Variants in SLC36A1 observed in about 807,000 individuals in gnomAD.
SLC36A1 encodes the protein proton-coupled amino acid transporter 1.
Under a neutral mutation model 47.5 loss-of-function variants are expected in SLC36A1, and 30 were observed. The ratio of observed to expected loss-of-function variants is 0.63; its 90% CI spans 0.47 to 0.86. The LOEUF is 0.86. Among genes scored for constraint, SLC36A1 ranks in the 40% least tolerant of loss-of-function variants. The pLI is 0.00. For synonymous variants in SLC36A1, 255 were observed against 249.7 expected (o/e 1.02, Z -0.20); for missense variants, 517 against 606.0 (o/e 0.85, Z 1.54).
the SLC36A1 span, chr5:151,512,660 T>A: frequency 6.9e-7 from 1 of 1,454,546 alleles, no homozygotes; most frequent in South Asian, 1.3e-5. The surrounding 1 kb of genome is among the most constrained non-coding windows in gnomAD (Gnocchi z 4.1). Flanking sequence ...CTTGTAAACC[T>A]GCTAAGAGGC....
chr5:151,446,725 G>C (rs528999658), upstream of SLC36A1, among the ~76,000 whole-genome samples: 283 of 152,238 alleles, frequency 1.9e-3, 1 homozygote, highest in African/African-American at 6.7e-3. Flanking sequence ...GTGTGTTAGA[G>C]AAAAAATGTG....
chr5:151,512,251 G>T, the SLC36A1 span: 5 of 1,614,214 alleles, frequency 3.1e-6, no homozygotes, highest in Admixed American at 6.7e-5. This position sits in a 1 kb window ranked among gnomAD's most constrained non-coding sequence, Gnocchi z 4.1. Context: ...CTGGGTGAGG[G>T]CTTGTGTCTC....
chr5:151,436,771 C>T (rs976599047), upstream of SLC36A1, among the ~76,000 whole-genome samples: 3 of 152,042 alleles, frequency 2.0e-5, no homozygotes, highest in Non-Finnish European at 4.4e-5. Context: ...AGAAAGGTAG[C>T]TGAAGCTGGG....
the SLC36A1 span, among the ~76,000 whole-genome samples, chr5:151,376,939 A>T: frequency 1.4e-4 from 21 of 152,234 alleles, no homozygotes; most frequent in East Asian, 4.1e-3. Context: ...GGCCAAAAAA[A>T]TTTTAAATTT....
the SLC36A1 span, chr5:151,537,693 G>T: frequency 1.7e-6 from 2 of 1,206,074 alleles, no homozygotes; most frequent in Non-Finnish European, 2.3e-6. Flanking sequence ...TGATAGATGA[G>T]TGAATTCCTG....
In SLC36A1 at chr5:151,467,722, A is replaced by G; in HGVS notation, c.520A>G (p.Asn174Asp). Reference protein sequence around the residue: ...DNFKQVIEAANGTTNNCHNNE... With the variant: ...DNFKQVIEAADGTTNNCHNNE... ...CTCATTCTAGGTGATAGAAGCGGCCAATGGGACCACCAATAACTGCCACAA... is the reference window on the plus strand; with the variant it reads ...CTCATTCTAGGTGATAGAAGCGGCCGATGGGACCACCAATAACTGCCACAA... The change falls in exon 7 of 11, where the codon AAT (asparagine) becomes GAT (aspartate). Residue 174 changes from asparagine to aspartate, a missense_variant. Transcript: ENST00000243389. The G allele has an allele frequency of 6.2e-7, 1 of 1,614,000 alleles. No individual in the cohort carries two copies. The highest frequency in any genetic ancestry group is 8.5e-7 in the Non-Finnish European group (1 of 1,179,956).
chr5:151,539,763 A>G, the SLC36A1 span, among the ~76,000 whole-genome samples: 5 of 152,244 alleles, frequency 3.3e-5, no homozygotes, highest in African/African-American at 4.8e-5. Flanking sequence ...TTGTTGGTTT[A>G]TGCCTCTAGG....
Position 151,473,743 on chromosome 5 carries a change from C to A in SLC36A1, c.794C>A (p.Ala265Glu). The A allele has an allele frequency of 1.2e-6, 2 of 1,613,932 alleles. No homozygotes were observed. Among genetic ancestry groups the A allele is most frequent in the South Asian group, 1.1e-5 (1 of 91,056 alleles). The change falls in exon 8 of 11, where the codon GCG becomes GAG. Residue 265 changes from alanine to glutamate, a missense_variant. By Grantham distance (107) the Ala-to-Glu change is moderately radical. Coordinates refer to ENST00000243389, the MANE Select transcript of SLC36A1 (RefSeq NM_078483.4). ...WKTYPLFFGT[A>E]IFSFEGIGMV... ...ACCTACCCTCTCTTCTTTGGCACAG[C>A]GATTTTTTCATTTGAAGGCATTGGA...
the SLC36A1 span, among the ~76,000 whole-genome samples, chr5:151,410,511 T>C: frequency 6.9e-6 from 1 of 144,800 alleles, no homozygotes; most frequent in Non-Finnish European, 1.5e-5. Context: ...CTTAAGGACT[T>C]GGTGAATAAA....
chr5:151,397,830 C>T, the SLC36A1 span, among the ~76,000 whole-genome samples: 23 of 141,516 alleles, frequency 1.6e-4, no homozygotes, highest in African/African-American at 5.0e-4. Flanking sequence ...AAAATTATTA[C>T]ATGTGGCCGG....
the SLC36A1 span, among the ~76,000 whole-genome samples, chr5:151,405,546 C>T: frequency 2.0e-5 from 3 of 152,094 alleles, no homozygotes; most frequent in East Asian, 5.8e-4. Flanking sequence ...TCTTGCCGTT[C>T]TATATCCGTC....
At chr5:151,505,232 C>G in the SLC36A1 span, 41 of 412,992 alleles carry the variant, frequency 9.9e-5, 1 homozygote, top group South Asian at 1.0e-3. Flanking sequence ...CAATCAGGCT[C>G]TGCCCCGGGG....
At chr5:151,380,379 A>T in the SLC36A1 span, 3 of 368,356 alleles carry the variant, frequency 8.1e-6, no homozygotes, top group East Asian at 1.9e-4. Flanking sequence ...CGAGGACCAG[A>T]GTGAGCAGGA....
the SLC36A1 span, chr5:151,378,590 A>T: frequency 5.0e-6 from 1 of 198,158 alleles, no homozygotes; most frequent in Non-Finnish European, 1.1e-5. Flanking sequence ...AGAAGAGGTC[A>T]TGGTGACCAT....
the SLC36A1 span, chr5:151,529,255 G>A: frequency 1.2e-6 from 2 of 1,614,116 alleles, no homozygotes; most frequent in African/African-American, 1.3e-5. Context: ...TGGGGCCGGT[G>A]TTCATTGACA....
intron 1 of SLC36A1, among the ~76,000 whole-genome samples, chr5:151,457,248 G>A (rs1394543465): frequency 6.6e-6 from 1 of 151,956 alleles, no homozygotes; most frequent in Admixed American, 6.6e-5. Context: ...CTACCTAGCT[G>A]TTGCAGGGCA....
At chr5:151,504,496 C>T in the SLC36A1 span, 22,537 of 152,722 alleles carry the variant, frequency 0.15, 2,026 homozygotes, top group Non-Finnish European at 0.21. Context: ...GTTGAGTCGC[C>T]GCAGGTAATA....
At chr5:151,495,698 C>T (rs920384949), downstream of SLC36A1, among the ~76,000 whole-genome samples, 1 of 152,104 alleles carries the variant, frequency 6.6e-6, no homozygotes, top group Non-Finnish European at 1.5e-5. Context: ...TAACCTTCCC[C>T]AGAAGCCACG....
intron 10 of SLC36A1, chr5:151,479,899 G>A (rs1758583005): frequency 3.8e-6 from 2 of 521,122 alleles, no homozygotes; most frequent in Admixed American, 3.7e-5. Flanking sequence ...ACTGTGACAA[G>A]TTGCTCCTTA....
Sources: allele counts gnomAD v4.1 joint callset (sites outside exome capture counted in the v4.1 genomes callset), GRCh38; gene constraint gnomAD v4.1.1; non-coding constraint Gnocchi (gnomAD v3.1); transcripts MANE v1.5; gene names NCBI Gene and HGNC (gene_info 2026-07-23, HGNC 2026-07-21).